The following PATJ variants were observed in gnomAD, a reference collection of about 807,000 sequenced individuals.
PATJ encodes the protein PATJ crumbs cell polarity complex component, also known as inaD-like protein.
PATJ carries 190 observed loss-of-function variants against 224.9 expected under a neutral mutation model. The ratio of observed to expected loss-of-function variants is 0.84; its 90% confidence interval spans 0.75 to 0.95. PATJ has a LOEUF of 0.95. Ranked by LOEUF, PATJ falls within the 40% of genes least tolerant of loss-of-function variation. The pLI is 0.00. For synonymous variants in PATJ, 769 were observed against 820.3 expected (o/e 0.94, Z 1.07); for missense variants, 2,121 against 2,270.3 (o/e 0.93, Z 1.34).
chr1:62,038,167 C>T (rs1650796785), intron 30 of PATJ, 118 bp downstream of exon 30: 4 of 583,850 alleles, frequency 6.9e-6, no homozygotes, highest in Non-Finnish European at 3.0e-6. Flanking sequence ...GAAAATTTCC[C>T]TAACCAAAAT....
At chr1:61,912,729 A>C in intron 25 of PATJ, among the ~76,000 whole-genome samples, 1 of 118,532 alleles carries the variant, frequency 8.4e-6, no homozygotes, top group South Asian at 3.3e-4. Context: ...AGGGGAGGGG[A>C]GGGAAGGCAG....
At chr1:61,909,280 T>A (rs2149205152) in intron 25 of PATJ, among the ~76,000 whole-genome samples, 1 of 152,284 alleles carries the variant, frequency 6.6e-6, no homozygotes, top group African/African-American at 2.4e-5. Flanking sequence ...GCGCCTGACC[T>A]ACAATTTTTC....
At chr1:61,963,718 G>A (rs983792729) in intron 27 of PATJ, among the ~76,000 whole-genome samples, 2 of 152,140 alleles carry the variant, frequency 1.3e-5, no homozygotes, top group African/African-American at 4.8e-5. Flanking sequence ...AGGAGGAAGA[G>A]GCAGGGTTGG....
At chr1:62,140,165 C>T (rs1218944491) in intron 41 of PATJ, among the ~76,000 whole-genome samples, 1 of 152,130 alleles carries the variant, frequency 6.6e-6, no homozygotes, top group South Asian at 2.1e-4. Context: ...CCTTGGATTC[C>T]ACTTCTACAA....
chr1:62,075,690 G>A (rs1658168885), intron 31 of PATJ, among the ~76,000 whole-genome samples: 1 of 152,124 alleles, frequency 6.6e-6, no homozygotes, highest in Non-Finnish European at 1.5e-5. Flanking sequence ...AGGCCGAGAT[G>A]GGTGGATCAC....
At chr1:62,074,460 G>T (rs1285861648) in intron 31 of PATJ, among the ~76,000 whole-genome samples, 1 of 151,662 alleles carries the variant, frequency 6.6e-6, no homozygotes, top group African/African-American at 2.4e-5. Flanking sequence ...AAGAGTCAGG[G>T]TCTTACTCTG....
intron 23 of PATJ, 28 bp downstream of exon 23, chr1:61,899,682 C>G: frequency 6.7e-7 from 1 of 1,491,050 alleles, no homozygotes; most frequent in Non-Finnish European, 9.3e-7. Context: ...TTGTGGCTTT[C>G]TCAATAGGAG....
chr1:61,870,732 A>G (rs1666207431), intron 20 of PATJ, among the ~76,000 whole-genome samples: 1 of 152,192 alleles, frequency 6.6e-6, no homozygotes, highest in African/African-American at 2.4e-5. Context: ...AGTTCTTTTT[A>G]GTATATACTC....
At chr1:61,904,871 C>CT (rs1406828777) in intron 24 of PATJ, among the ~76,000 whole-genome samples, 13 of 152,240 alleles carry the variant, frequency 8.5e-5, no homozygotes, top group Admixed American at 3.3e-4. Flanking sequence ...TTGAGATTGC[C>CT]TTTTTTTACT....
At chr1:62,107,929 A>G (rs552269323) in intron 33 of PATJ, among the ~76,000 whole-genome samples, 1 of 152,286 alleles carries the variant, frequency 6.6e-6, no homozygotes, top group East Asian at 1.9e-4. Flanking sequence ...GCTGTTTCAC[A>G]CTTAAGTCCA....
Position 61,884,350 on chromosome 1 carries a change from A to T in PATJ, c.3073A>T (p.Ile1025Phe), listed in dbSNP as rs993034573. 1.2e-6 allele frequency: 2 copies of T among 1,612,514 alleles called. No individual in the cohort carries two copies. The highest frequency in any genetic ancestry group is 1.3e-5 in the African/African-American group (1 of 74,654). Reference protein sequence around the residue: ...PLYQHQATRVISKASAYTGML... With the variant: ...PLYQHQATRVFSKASAYTGML... ...ATATCAACACCAAGCGACACGAGTTATTTCCAAGGCCTCAGCATACACAGG... is the reference window on the plus strand; with the variant it reads ...ATATCAACACCAAGCGACACGAGTTTTTTCCAAGGCCTCAGCATACACAGG... The change falls in exon 22 of 44, where the codon ATT becomes TTT. Residue 1025 changes from isoleucine to phenylalanine, a missense_variant. Transcript: ENST00000642238.
At chr1:61,839,419 T>C (rs1170946236) in intron 17 of PATJ, among the ~76,000 whole-genome samples, 3 of 152,180 alleles carry the variant, frequency 2.0e-5, no homozygotes, top group Non-Finnish European at 4.4e-5. Context: ...AAGACCATCA[T>C]TGCAAATTTA....
rs755906930 is a variant in PATJ, at chr1:61,899,646, A to T, written c.3195A>T (p.Pro1065=). The T allele has an allele frequency of 9.9e-6, 16 of 1,608,924 alleles. No individual in the cohort carries two copies. In the South Asian group the frequency reaches 1.8e-4, roughly 18 times the overall value. Residue 1065 remains proline, a synonymous_variant, in exon 23 of 44, where the codon CCA becomes CCT. Transcript: ENST00000642238. ...CTCCAAATTTTAGCCACTGGGGTCC[A>T]CCGAGAATGTATGTGGATGACATTA... is the stretch of plus-strand genomic sequence containing the variant. ...EETPNFSHWG[P]PRIVEIFREP...
chr1:62,084,519 T>C lies in PATJ; in HGVS notation c.4248T>C (p.Gly1416=). The C allele has an allele frequency of 6.2e-7, 1 of 1,608,696 alleles. No individual in the cohort carries two copies. Among genetic ancestry groups the C allele is most frequent in the Non-Finnish European group, 8.5e-7 (1 of 1,178,352 alleles). Residue 1416 remains glycine (G), a synonymous_variant, in exon 33 of 44, where the codon GGT becomes GGC. Coordinates refer to ENST00000642238, the MANE Select transcript of PATJ (RefSeq NM_001350145.3). ...STDADFTGYG[G]FQAPLSVDPA... ...CTGTGTTCAATTCTTTTCCAGGTGGTTTCCAGGCTCCTCTGTCAGTGGACC... is the reference window on the plus strand; with the variant it reads ...CTGTGTTCAATTCTTTTCCAGGTGGCTTCCAGGCTCCTCTGTCAGTGGACC...
At chr1:62,111,757 T>G (rs904432075) in intron 34 of PATJ, among the ~76,000 whole-genome samples, 1 of 150,870 alleles carries the variant, frequency 6.6e-6, no homozygotes, top group African/African-American at 2.4e-5. Context: ...GCCTCCCAGG[T>G]TCAAGCAATT....
Position 61,856,239 on chromosome 1 carries a change from G to A in PATJ, c.2322G>A (p.Val774=), listed in dbSNP as rs1663640185. The stretch of plus-strand genomic sequence containing the variant: ...ACCTTGGCATCTGTAAGCCTTTGGT[G>A]GTAAGTGTTGTATTTTGTTAATATA... The part of the protein sequence containing the change: ...LVHLGICKPL[V]EDNEEESCYI... Residue 774 remains valine, a splice_region_variant and synonymous_variant, in exon 18 of 44, where the codon GTG becomes GTA. Coordinates refer to ENST00000642238, the MANE Select transcript of PATJ (RefSeq NM_001350145.3). 1.2e-6 allele frequency: 2 copies of A among 1,611,308 alleles called. No individual in the cohort carries two copies. Among genetic ancestry groups the A allele is most frequent in the Non-Finnish European group, 1.7e-6 (2 of 1,177,466 alleles).
At chr1:61,777,002 G>A (rs911238140) in intron 7 of PATJ, among the ~76,000 whole-genome samples, 6 of 152,122 alleles carry the variant, frequency 3.9e-5, no homozygotes, top group Non-Finnish European at 7.4e-5. Flanking sequence ...TGGGATTACA[G>A]GCGTGAGCCA....
At chr1:61,987,392 A>G (rs1644820169) in intron 27 of PATJ, among the ~76,000 whole-genome samples, 1 of 150,196 alleles carries the variant, frequency 6.7e-6, no homozygotes, top group Non-Finnish European at 1.5e-5. Context: ...TAAAGTTATC[A>G]ACATCTTTTT....
chr1:62,045,755 A>C (rs17123006), intron 30 of PATJ, among the ~76,000 whole-genome samples: 2,679 of 152,220 alleles, frequency 0.018, 92 homozygotes, highest in African/African-American at 0.06. Context: ...ATGGTCCTCA[A>C]ACCACTCTAA....
Sources: gnomAD v4.1 joint callset for allele counts (sites outside exome capture counted in the v4.1 genomes callset) on GRCh38, gnomAD v4.1.1 for gene constraint, MANE v1.5 for transcripts, NCBI Gene and HGNC (gene_info 2026-07-23, HGNC 2026-07-21) for gene names.